ZNF143: variants seen among roughly 807,000 people sequenced by gnomAD.
The protein encoded by ZNF143 is zinc finger protein 143, also known as SPH-binding factor.
Under a neutral mutation model 74.1 loss-of-function variants are expected in ZNF143, and 49 were observed. The observed-to-expected ratio is 0.66, with a 90% confidence interval of 0.53 to 0.84. The LOEUF (loss-of-function observed/expected upper bound fraction) is 0.84. Among genes scored for constraint, ZNF143 ranks in the 40% least tolerant of loss-of-function variants. The pLI is 0.00. For missense variants in ZNF143, 637 were observed against 793.4 expected (o/e 0.80, Z 2.37); for synonymous variants, 304 against 282.8 (o/e 1.07, Z -0.75).
chr11:9,513,767 C>G (rs917249990), intron 13 of ZNF143, among the ~76,000 whole-genome samples: 2 of 152,166 alleles, frequency 1.3e-5, no homozygotes, highest in African/African-American at 2.4e-5. Context: ...TGGTGGCGCT[C>G]TCGTGTAGTT....
chr11:9,474,876 A>G (rs1856786875), intron 5 of ZNF143, among the ~76,000 whole-genome samples: 1 of 152,202 alleles, frequency 6.6e-6, no homozygotes, highest in Non-Finnish European at 1.5e-5. Context: ...TAGAGGCCAC[A>G]TTTTGTTTTT....
intron 11 of ZNF143, among the ~76,000 whole-genome samples, chr11:9,503,326 A>G (rs2134112869): frequency 1.3e-5 from 2 of 152,326 alleles, no homozygotes; most frequent in South Asian, 4.1e-4. Context: ...GCATTCATGT[A>G]CAAGTTTTTA....
chr11:9,510,099 G>T (rs1848487534), intron 12 of ZNF143, among the ~76,000 whole-genome samples: 1 of 151,254 alleles, frequency 6.6e-6, no homozygotes, highest in African/African-American at 2.4e-5. Context: ...GATATTTCAG[G>T]TTATCAGAAG....
At chr11:9,503,491 A>G (rs1254965232) in intron 11 of ZNF143, among the ~76,000 whole-genome samples, 1 of 152,202 alleles carries the variant, frequency 6.6e-6, no homozygotes, top group African/African-American at 2.4e-5. Flanking sequence ...TGAGGGTTCC[A>G]GTTTCTCCAC....
At chr11:9,484,062 T>C (rs919237527) in intron 7 of ZNF143, among the ~76,000 whole-genome samples, 1 of 151,480 alleles carries the variant, frequency 6.6e-6, no homozygotes, top group Non-Finnish European at 1.5e-5. Flanking sequence ...AAATTTTTAA[T>C]CACATATGTG....
intron 7 of ZNF143, among the ~76,000 whole-genome samples, chr11:9,485,524 T>C (rs1010234955): frequency 6.6e-6 from 1 of 151,262 alleles, no homozygotes; most frequent in African/African-American, 2.5e-5. Context: ...GTTTTTGTAT[T>C]TTTAGTAGAG....
At chr11:9,496,436 G>C in intron 9 of ZNF143, 58 bp downstream of exon 9, 1 of 1,441,204 alleles carries the variant, frequency 6.9e-7, no homozygotes, top group Non-Finnish European at 9.7e-7. Flanking sequence ...GTAGAGACAG[G>C]CTAGTGGAAG....
chr11:9,503,588 G>C (rs1472712727), intron 11 of ZNF143, among the ~76,000 whole-genome samples: 1 of 150,772 alleles, frequency 6.6e-6, no homozygotes, highest in Non-Finnish European at 1.5e-5. Flanking sequence ...GGTGTGAATT[G>C]GTATCTCATT....
intron 5 of ZNF143, 79 bp from the exon 6 acceptor site, chr11:9,478,311 A>G: frequency 6.8e-7 from 1 of 1,473,814 alleles, no homozygotes; most frequent in Non-Finnish European, 9.3e-7. Flanking sequence ...ATAAAAGCTC[A>G]TTTCTCTCTT....
chr11:9,526,813 G>A (rs573979023), intron 15 of ZNF143, among the ~76,000 whole-genome samples: 21 of 152,140 alleles, frequency 1.4e-4, no homozygotes, highest in Admixed American at 1.2e-3. Flanking sequence ...ACAGGTGCAC[G>A]CTGCCATGCG....
chr11:9,486,412 AAT>A (rs112739510), intron 7 of ZNF143, among the ~76,000 whole-genome samples: 358 of 19,234 alleles, frequency 0.019, 30 homozygotes, highest in African/African-American at 0.036. Context: ...TTATATATAT[AAT>A]ATATATTATA....
chr11:9,465,468 G>A (rs1313545476), intron 1 of ZNF143, among the ~76,000 whole-genome samples: 4 of 151,688 alleles, frequency 2.6e-5, no homozygotes, highest in African/African-American at 4.8e-5. Context: ...ACAGGTGCAA[G>A]CCACCGTGCC....
Position 9,471,300 on chromosome 11 carries a change from A to G in ZNF143, c.-7-2A>G, listed in dbSNP as rs1449039790. The G allele has an allele frequency of 1.9e-6, 3 of 1,598,254 alleles. No individual in the cohort carries two copies. The highest frequency in any genetic ancestry group is 2.2e-5 in the East Asian group (1 of 44,652). On this transcript the variant is annotated splice_acceptor_variant, in intron 1 of 15. Coordinates refer to ENST00000396602, the MANE Select transcript of ZNF143 (RefSeq NM_003442.6). LOFTEE classifies it low-confidence loss of function (5UTR_SPLICE). The stretch of plus-strand genomic sequence containing the variant: ...TCCCAAGTGTCTTTATTTTTCTTCA[A>G]GGTAGAAGATGTTGTTAGCCCAAAT...
At chr11:9,494,510 C>T in intron 7 of ZNF143, 136 bp from the exon 8 acceptor site, 1 of 753,812 alleles carries the variant, frequency 1.3e-6, no homozygotes, top group Non-Finnish European at 2.1e-6. Context: ...AGGGTTTTGT[C>T]ATGTTGCCCA....
At chr11:9,476,744 A>ATTTT (rs1465968655) in intron 5 of ZNF143, among the ~76,000 whole-genome samples, 16 of 45,964 alleles carry the variant, frequency 3.5e-4, no homozygotes, top group African/African-American at 4.5e-4. Flanking sequence ...AAAGGGAGGA[A>ATTTT]TCTTTTTTTT....
chr11:9,474,767 A>T, intron 5 of ZNF143, 134 bp downstream of exon 5: 1 of 969,932 alleles, frequency 1.0e-6, no homozygotes, highest in South Asian at 1.6e-5. Flanking sequence ...AAGGTGGCAG[A>T]TTTAAGCATG....
intron 1 of ZNF143, among the ~76,000 whole-genome samples, chr11:9,469,916 A>G (rs1183510877): frequency 6.6e-6 from 1 of 152,214 alleles, no homozygotes; most frequent in Admixed American, 6.5e-5. Flanking sequence ...CTTTTGGTCT[A>G]ATGAAGGTAC....
At chr11:9,479,295 A>T (rs910166624) in intron 6 of ZNF143, among the ~76,000 whole-genome samples, 177 bp from the exon 7 acceptor site, 1 of 152,126 alleles carries the variant, frequency 6.6e-6, no homozygotes, top group African/African-American at 2.4e-5. Flanking sequence ...ATGAGCCACC[A>T]TGCCCAGCCT....
At chr11:9,501,513 C>G (rs1848158491) in intron 11 of ZNF143, among the ~76,000 whole-genome samples, 4 of 152,192 alleles carry the variant, frequency 2.6e-5, no homozygotes, top group Non-Finnish European at 5.9e-5. Context: ...CAAGGGCAGG[C>G]TACTTGGGAA....
Sources: gnomAD v4.1 joint callset for allele counts (sites outside exome capture counted in the v4.1 genomes callset) on GRCh38, gnomAD v4.1.1 for gene constraint, MANE v1.5 for transcripts, NCBI Gene and HGNC (gene_info 2026-07-23, HGNC 2026-07-21) for gene names.